STAT4: variants seen among roughly 807,000 people sequenced by gnomAD.
STAT4 encodes signal transducer and activator of transcription 4.
In STAT4, 42 loss-of-function variants were observed where a neutral mutation model predicts 110.5. The observed-to-expected ratio is 0.38, with a 90% CI of 0.30 to 0.49. STAT4 has a LOEUF of 0.49. Among genes scored for constraint, STAT4 ranks in the 20% least tolerant of loss-of-function variants. The pLI, the probability that STAT4 is intolerant of heterozygous loss-of-function variation, is 0.95. For synonymous variants in STAT4, 284 were observed against 302.2 expected (o/e 0.94, Z 0.63); for missense variants, 632 against 887.9 (o/e 0.71, Z 3.66).
chr2:191,097,859 C>T (rs1035047938), intron 3 of STAT4, among the ~76,000 whole-genome samples: 2 of 151,978 alleles, frequency 1.3e-5, no homozygotes, highest in Non-Finnish European at 2.9e-5. Flanking sequence ...GCAATCTACC[C>T]ATCTGACAAA....
chr2:191,120,737 A>G (rs1050108820), intron 3 of STAT4, among the ~76,000 whole-genome samples: 2 of 152,298 alleles, frequency 1.3e-5, no homozygotes, highest in East Asian at 3.9e-4. Flanking sequence ...GAAAGCGGAA[A>G]CTGGATCCCT....
chr2:191,043,075 G>A lies in STAT4; in HGVS notation c.1252-1927C>T, dbSNP rs1485566176. ...ATTACAGGCGTGAGCCACTGCGCCCGGCCGTATTCTCTATTCCTGTATATA... is the reference window on the plus strand; with the variant it reads ...ATTACAGGCGTGAGCCACTGCGCCCAGCCGTATTCTCTATTCCTGTATATA... On this transcript the variant is annotated intron_variant, in intron 14 of 23. Coordinates refer to ENST00000392320, the MANE Select transcript of STAT4 (RefSeq NM_003151.4). This position sits in a 1 kb window ranked among gnomAD's most constrained non-coding sequence, Gnocchi z 4.8. Among the ~76,000 whole-genome samples, 6 of 152,120 alleles carry A rather than the reference G, an allele frequency of 3.9e-5. No homozygotes were observed. The highest frequency in any genetic ancestry group is 1.9e-4 in the East Asian group (1 of 5,194).
In STAT4 at chr2:191,086,264, T is replaced by C. The variant is rs1317218842; in HGVS notation, c.274-9939A>G. Among the ~76,000 whole-genome samples, 2 of 152,128 alleles carry C rather than the reference T, an allele frequency of 1.3e-5. No individual in the cohort carries two copies. Among genetic ancestry groups the C allele is most frequent in the East Asian group, 1.9e-4 (1 of 5,194 alleles). On this transcript the variant is annotated intron_variant, in intron 3 of 23. Transcript: ENST00000392320. This position sits in a 1 kb window ranked among gnomAD's most constrained non-coding sequence, Gnocchi z 5.5. ...CCTTCACAGGGTTCTTGACCTGTGA[T>C]AAGTAAAGATTGTCACTTTCTGACA... is the stretch of plus-strand genomic sequence containing the variant.
In STAT4 at chr2:191,031,292, G is replaced by A. The variant is rs1301664034; in HGVS notation, c.2111+158C>T. ...ATAATTTTAGGCACAATAGATTGTG[G>A]TAAGTGTGCCCTGAAGGCTAGCCTT... is the stretch of plus-strand genomic sequence containing the variant. On this transcript the variant is annotated intron_variant, in intron 22 of 23. Coordinates refer to ENST00000392320, the MANE Select transcript of STAT4 (RefSeq NM_003151.4). This position sits in a 1 kb window ranked among gnomAD's most constrained non-coding sequence, Gnocchi z 4.8. 1.1e-6 allele frequency: 1 copy of A among 908,158 alleles called. No homozygotes were observed. The highest frequency in any genetic ancestry group is 1.7e-6 in the Non-Finnish European group (1 of 604,956). The allele number at this position is 908,158 out of a possible 1,614,324, so 56.3% of individuals were successfully genotyped here. A position where few individuals can be genotyped will look rare whatever the true frequency, so the allele number is the denominator to read the frequency against.
At chr2:191,055,554 C>G (rs566137200) in intron 13 of STAT4, among the ~76,000 whole-genome samples, 2 of 150,048 alleles carry the variant, frequency 1.3e-5, no homozygotes, top group African/African-American at 2.5e-5. Flanking sequence ...GGGATTTCAC[C>G]GTGTTAGCCA....
In STAT4 at chr2:191,088,124, C is replaced by T. The variant is rs118057796; in HGVS notation, c.274-11799G>A. On this transcript the variant is annotated intron_variant, in intron 3 of 23. Coordinates refer to ENST00000392320, the MANE Select transcript of STAT4 (RefSeq NM_003151.4). ...TTTCTTTGTTCACAGGTGAATTGTC[C>T]ACATGTGTCCATAGACACAGTGACT... 3.3e-3 allele frequency among the ~76,000 whole-genome samples: 506 copies of T among 152,154 alleles called. 6 individuals carry two copies. In the East Asian group the frequency reaches 0.035, roughly 11 times the overall value.
rs201089084 is a variant in STAT4 at position 191,104,720 on chromosome 2, T to TC, written c.274-28396dup. ...TATATTGTCAAAGAATAAAGAATGA[T>TC]CCTTTTTAAGTGAATTTTGACTTTG... is the stretch of plus-strand genomic sequence containing the variant. On this transcript the variant is annotated intron_variant, in intron 3 of 23. Transcript: ENST00000392320. The surrounding 1 kb of genome is among the most constrained non-coding windows in gnomAD (Gnocchi z 4.3). 8.5e-3 allele frequency among the ~76,000 whole-genome samples: 1,295 copies of TC among 152,312 alleles called. 5 individuals are homozygous for TC. Among genetic ancestry groups the TC allele is most frequent in the Non-Finnish European group, 0.014 (928 of 68,030 alleles).
chr2:191,135,185 C>A lies in STAT4; in HGVS notation c.273+11428G>T, dbSNP rs903047369. On this transcript the variant is annotated intron_variant, in intron 3 of 23. Coordinates refer to ENST00000392320, the MANE Select transcript of STAT4 (RefSeq NM_003151.4). This position sits in a 1 kb window ranked among gnomAD's most constrained non-coding sequence, Gnocchi z 4.8. ...GACTAACCATAAAAAAGAGAGATGA[C>A]CCAAATAAATAAAATCAGAAATGAA... Among the ~76,000 whole-genome samples the A allele has an allele frequency of 1.3e-5, 2 of 151,914 alleles. No homozygotes were observed. The highest frequency in any genetic ancestry group is 2.9e-5 in the Non-Finnish European group (2 of 67,940).
chr2:191,084,538 C>G (rs1387853505), intron 3 of STAT4, among the ~76,000 whole-genome samples: 1 of 152,020 alleles, frequency 6.6e-6, no homozygotes, highest in African/African-American at 2.4e-5. Context: ...CATAAAGTTA[C>G]AAGAAGGCAT....
chr2:191,052,190 G>A (rs181844712), intron 14 of STAT4, among the ~76,000 whole-genome samples: 33 of 152,130 alleles, frequency 2.2e-4, no homozygotes, highest in Non-Finnish European at 3.7e-4. Flanking sequence ...ACCTTTGTGT[G>A]ATCATCCCTA....
At chr2:191,054,580 G>C in intron 13 of STAT4, 46 bp from the exon 14 acceptor site, 1 of 1,562,804 alleles carries the variant, frequency 6.4e-7, no homozygotes, top group South Asian at 1.1e-5. Flanking sequence ...AGCATTATCA[G>C]CTACATATTA....
At chr2:191,105,408 T>C (rs144917210) in intron 3 of STAT4, among the ~76,000 whole-genome samples, 1 of 152,242 alleles carries the variant, frequency 6.6e-6, no homozygotes, top group East Asian at 1.9e-4. Flanking sequence ...ATGCAACCTA[T>C]GCATGTTTGC....
At chr2:191,120,738 C>T (rs1268817530) in intron 3 of STAT4, among the ~76,000 whole-genome samples, 1 of 152,166 alleles carries the variant, frequency 6.6e-6, no homozygotes, top group African/African-American at 2.4e-5. Context: ...AAAGCGGAAA[C>T]TGGATCCCTT....
chr2:191,029,576 T>A lies in STAT4; in HGVS notation c.*264A>T. On this transcript the variant is annotated 3_prime_UTR_variant, in exon 24 of 24. Coordinates refer to ENST00000392320, the MANE Select transcript of STAT4 (RefSeq NM_003151.4). The surrounding 1 kb of genome is among the most constrained non-coding windows in gnomAD (Gnocchi z 4.5). ...AATAAACCAAACACAGGCAAGCGAG[T>A]CTTCTGTTAATATTGTTATTAACAC... 2.2e-6 allele frequency: 1 copy of A among 446,282 alleles called. No homozygotes were observed. The highest frequency in any genetic ancestry group is 3.9e-6 in the Non-Finnish European group (1 of 254,620). 27.6% of individuals were successfully genotyped at this position (446,282 alleles called of 1,614,324 possible). A position where few individuals can be genotyped will look rare whatever the true frequency, so the allele number is the denominator to read the frequency against.
At chr2:191,108,200 A>G (rs1698333060) in intron 3 of STAT4, among the ~76,000 whole-genome samples, 1 of 151,872 alleles carries the variant, frequency 6.6e-6, no homozygotes, top group African/African-American at 2.4e-5. Context: ...TTGAGAGAGG[A>G]GAATCTGTTG....
At chr2:191,131,897 G>A in intron 3 of STAT4, 2 of 1,422,990 alleles carry the variant, frequency 1.4e-6, no homozygotes, top group South Asian at 3.2e-5. Flanking sequence ...GCCAACCCTG[G>A]GGACTAAAGC....
chr2:191,052,868 C>A (rs560488630), intron 14 of STAT4, among the ~76,000 whole-genome samples: 3 of 152,256 alleles, frequency 2.0e-5, no homozygotes, highest in East Asian at 3.9e-4. Context: ...TCCACTCAAT[C>A]GTTTTACTAG....
In STAT4 at chr2:191,113,752, A is replaced by G. The variant is rs1311887628; in HGVS notation, c.273+32861T>C. On this transcript the variant is annotated intron_variant, in intron 3 of 23. Transcript: ENST00000392320. The surrounding 1 kb of genome is among the most constrained non-coding windows in gnomAD (Gnocchi z 4.8). ...AAAAAATAATTACGGAAACCAGTAT[A>G]AAGAAAATCTGTGAAAATTCCTTAT... 6.6e-6 allele frequency among the ~76,000 whole-genome samples: 1 copy of G among 152,254 alleles called. No individual in the cohort carries two copies. The highest frequency in any genetic ancestry group is 1.5e-5 in the Non-Finnish European group (1 of 68,042).
Position 191,116,843 on chromosome 2 carries a change from C to T in STAT4, c.273+29770G>A, listed in dbSNP as rs927283141. Among the ~76,000 whole-genome samples the T allele has an allele frequency of 6.6e-6, 1 of 152,148 alleles. No individual in the cohort carries two copies. The highest frequency in any genetic ancestry group is 2.4e-5 in the African/African-American group (1 of 41,426). ...ACTGAAAGTAAATTTACTCAAATGT[C>T]TCAGAAATGACAAGATGCTTGAGGT... On this transcript the variant is annotated intron_variant, in intron 3 of 23. Transcript: ENST00000392320. The surrounding 1 kb of genome is among the most constrained non-coding windows in gnomAD (Gnocchi z 4.1).
Sources: gnomAD v4.1 joint callset for allele counts (sites outside exome capture counted in the v4.1 genomes callset) on GRCh38, gnomAD v4.1.1 for gene constraint, Gnocchi (gnomAD v3.1) non-coding constraint, MANE v1.5 for transcripts, NCBI Gene and HGNC (gene_info 2026-07-23, HGNC 2026-07-21) for gene names.